The following SHC1 variants were observed in gnomAD, a reference collection of about 807,000 sequenced individuals.
SHC1 encodes the protein SHC adaptor protein 1.
SHC1 carries 30 observed loss-of-function variants against 55.9 expected under a neutral mutation model. The ratio of observed to expected loss-of-function variants is 0.54; its 90% CI spans 0.40 to 0.73. The LOEUF (loss-of-function observed/expected upper bound fraction) is 0.73. Among genes scored for constraint, SHC1 ranks in the 30% least tolerant of loss-of-function variants. The pLI is 0.00. For missense variants in SHC1, 675 were observed against 777.1 expected (o/e 0.87, Z 1.56); for synonymous variants, 309 against 306.1 (o/e 1.01, Z -0.10).
At chr1:154,969,284 C>G (rs1297639009) in intron 2 of SHC1, 94 bp downstream of exon 2, 2 of 823,904 alleles carry the variant, frequency 2.4e-6, no homozygotes, top group Admixed American at 4.0e-5. Context: ...AGATCAGCCC[C>G]CAGCAGCAGC....
At chr1:154,968,145 T>C in intron 5 of SHC1, 59 bp downstream of exon 5, 1 of 1,593,772 alleles carries the variant, frequency 6.3e-7, no homozygotes, top group Non-Finnish European at 8.6e-7. Flanking sequence ...AATCAATGTC[T>C]TCCCAATCCC....
Position 154,970,434 on chromosome 1 carries a change from C to CG in SHC1, c.92dup (p.Glu32GlyfsTer23), listed in dbSNP as rs752843778. 22 of 1,609,456 alleles carry CG rather than the reference C, an allele frequency of 1.4e-5. No homozygotes were observed. Among genetic ancestry groups the CG allele is most frequent in the East Asian group, 2.2e-5 (1 of 44,840 alleles). Reference sequence around the variant, plus strand: ...AAGCTGATGGGGAAGGCAGCTCCTCCGGGGGGGTGGACCCAGAAGCCCCTT... The same window carrying CG: ...AAGCTGATGGGGAAGGCAGCTCCTCCGGGGGGGGTGGACCCAGAAGCCCCTT... On this transcript the variant is annotated frameshift_variant, in exon 1 of 12. Coordinates refer to ENST00000448116, the MANE Select transcript of SHC1 (RefSeq NM_001130040.2). LOFTEE classifies it high-confidence loss of function. The surrounding 1 kb of genome is among the most constrained non-coding windows in gnomAD (Gnocchi z 5.5).
chr1:154,973,795 T>A (rs964798679), upstream of SHC1, among the ~76,000 whole-genome samples: 1 of 152,146 alleles, frequency 6.6e-6, no homozygotes, highest in South Asian at 2.1e-4. Flanking sequence ...TTCAGACTTC[T>A]GGGCGGGGAG....
intron 11 of SHC1, 21 bp from the exon 12 acceptor site, chr1:154,963,952 A>G (rs189376946): frequency 1.8e-4 from 289 of 1,613,772 alleles, no homozygotes; most frequent in Non-Finnish European, 1.0e-4. Flanking sequence ...GGGAAGGAAG[A>G]AGGTCAATTC....
chr1:154,965,850 G>C (rs1467555219), intron 10 of SHC1, 69 bp from the exon 11 acceptor site: 1 of 1,569,382 alleles, frequency 6.4e-7, no homozygotes, highest in Non-Finnish European at 8.7e-7. Flanking sequence ...AGACTTCAGG[G>C]AAGGGAAGTC....
At chr1:154,967,595 C>T in intron 7 of SHC1, 76 bp downstream of exon 7, 2 of 1,515,852 alleles carry the variant, frequency 1.3e-6, no homozygotes, top group African/African-American at 1.4e-5. Flanking sequence ...AACCTCTCAA[C>T]TCAAGTGTAG....
At chr1:154,969,637 AG>A (rs1370818978) in intron 1 of SHC1, among the ~76,000 whole-genome samples, 189 bp from the exon 2 acceptor site, 1 of 152,230 alleles carries the variant, frequency 6.6e-6, no homozygotes, top group Non-Finnish European at 1.5e-5. Flanking sequence ...AAGAAAAGGC[AG>A]GCTAGAAGGA....
upstream of SHC1, among the ~76,000 whole-genome samples, chr1:154,971,833 G>A (rs1031203609): frequency 6.6e-6 from 1 of 152,074 alleles, no homozygotes; most frequent in African/African-American, 2.4e-5. Context: ...GAGAAGATGG[G>A]TTGAAGCTGG....
chr1:154,971,292 G>A (rs972565881), upstream of SHC1, among the ~76,000 whole-genome samples: 7 of 152,288 alleles, frequency 4.6e-5, no homozygotes, highest in East Asian at 1.2e-3. Flanking sequence ...AGCAGCTGTG[G>A]ACTGGAGCTA....
chr1:154,973,911 G>C (rs992321846), upstream of SHC1, among the ~76,000 whole-genome samples: 1 of 152,148 alleles, frequency 6.6e-6, no homozygotes, highest in Non-Finnish European at 1.5e-5. Flanking sequence ...TTGCCCTTTT[G>C]GGAGATAGGC....
At chr1:154,969,639 G>A (rs578226318) in intron 1 of SHC1, among the ~76,000 whole-genome samples, 191 bp from the exon 2 acceptor site, 1 of 152,198 alleles carries the variant, frequency 6.6e-6, no homozygotes, top group African/African-American at 2.4e-5. Context: ...GAAAAGGCAG[G>A]CTAGAAGGAC....
At position 154,967,656 on chromosome 1, in the gene SHC1, T is replaced by C; in HGVS notation, c.983+15A>G. On this transcript the variant is annotated intron_variant, in intron 7 of 11. Transcript: ENST00000448116. ...CTAATCCAAGAGCTGCTCCACACTC[T>C]CCCCACCTGCTCACCTGTCATGAGG... The C allele has an allele frequency of 6.2e-7, 1 of 1,613,240 alleles. No homozygotes were observed. The highest frequency in any genetic ancestry group is 8.5e-7 in the Non-Finnish European group (1 of 1,179,460).
chr1:154,968,337 C>T, intron 4 of SHC1, 80 bp from the exon 5 acceptor site: 1 of 1,543,120 alleles, frequency 6.5e-7, no homozygotes, highest in Non-Finnish European at 9.0e-7. Flanking sequence ...CCTGGTGCCC[C>T]AGTCTCATTC....
Position 154,969,364 on chromosome 1 carries a change from C to G in SHC1, c.566+14G>C, listed in dbSNP as rs1235798584. 6.3e-7 allele frequency: 1 copy of G among 1,593,310 alleles called. No individual in the cohort carries two copies. Among genetic ancestry groups the G allele is most frequent in the African/African-American group, 1.3e-5 (1 of 74,400 alleles). ...AATCCCAGGACTCCCACAATCCACT[C>G]CCTCCCCACTAACCTGGTGACCTGA... On this transcript the variant is annotated intron_variant, in intron 2 of 11. Transcript: ENST00000448116.
At chr1:154,971,012 A>C (rs1243704657), upstream of SHC1, among the ~76,000 whole-genome samples, 4 of 151,860 alleles carry the variant, frequency 2.6e-5, no homozygotes, top group Non-Finnish European at 1.5e-5. Flanking sequence ...AAGGAAGGAG[A>C]TAGGAGGTCT....
chr1:154,971,052 C>A (rs1017039133), upstream of SHC1, among the ~76,000 whole-genome samples: 6 of 151,936 alleles, frequency 3.9e-5, no homozygotes, highest in Non-Finnish European at 4.4e-5. Context: ...ACACGCAGGC[C>A]AAAGGGGGCA....
chr1:154,967,532 CAG>C, intron 7 of SHC1, 137 bp downstream of exon 7: 6 of 910,112 alleles, frequency 6.6e-6, no homozygotes, highest in Non-Finnish European at 9.8e-6. Context: ...CCACAGGAAA[CAG>C]AAGAATAGCA....
chr1:154,966,024 C>T lies in SHC1; in HGVS notation c.1309G>A (p.Ala437Thr), dbSNP rs1175972246. The change falls in exon 10 of 12, where the codon GCC becomes ACC. Residue 437 changes from alanine (A) to threonine (T), a missense_variant. Coordinates refer to ENST00000448116, the MANE Select transcript of SHC1 (RefSeq NM_001130040.2). ...SYVNVQNLDK[A>T]RQAVGGAGPP... ...CCAGCACCACCCACTGCTTGCCGGG[C>T]CTTGTCTAGGTTCTGGACGTTGACA... 6.2e-7 allele frequency: 1 copy of T among 1,613,950 alleles called. No homozygotes were observed. Among genetic ancestry groups the T allele is most frequent in the Non-Finnish European group, 8.5e-7 (1 of 1,180,004 alleles).
chr1:154,970,722 C>A lies in SHC1; in HGVS notation c.-196G>T. On this transcript the variant is annotated 5_prime_UTR_variant, in exon 1 of 12. Coordinates refer to ENST00000448116, the MANE Select transcript of SHC1 (RefSeq NM_001130040.2). The surrounding 1 kb of genome is among the most constrained non-coding windows in gnomAD (Gnocchi z 5.5). ...GACCCAGACAGTTTCAGGCCCCATC[C>A]CCGCCCAACGTGGAGCCTCTTCTCT... 2.0e-6 allele frequency: 1 copy of A among 505,236 alleles called. No homozygotes were observed. Among genetic ancestry groups the A allele is most frequent in the Non-Finnish European group, 3.5e-6 (1 of 287,688 alleles). The allele number at this position is 505,236 out of a possible 1,614,324, so 31.3% of individuals were successfully genotyped here.
Sources: allele counts gnomAD v4.1 joint callset (sites outside exome capture counted in the v4.1 genomes callset), GRCh38; gene constraint gnomAD v4.1.1; non-coding constraint Gnocchi (gnomAD v3.1); transcripts MANE v1.5; gene names NCBI Gene and HGNC (gene_info 2026-07-23, HGNC 2026-07-21).